Variants in SMIM14 observed in about 807,000 individuals in gnomAD.
The protein encoded by SMIM14 is small integral membrane protein 14.
In SMIM14, 5 loss-of-function variants were observed where a neutral mutation model predicts 12.6. The ratio of observed to expected loss-of-function variants is 0.40; its 90% CI spans 0.21 to 0.83. The LOEUF (loss-of-function observed/expected upper bound fraction) is 0.83. Ranked by LOEUF, SMIM14 falls within the 40% of genes least tolerant of loss-of-function variation. The pLI, the probability that SMIM14 is intolerant of heterozygous loss-of-function variation, is 0.37. For missense variants in SMIM14, 86 were observed against 119.1 expected (o/e 0.72, Z 1.29); for synonymous variants, 30 against 40.1 (o/e 0.75, Z 0.95).
At chr4:39,559,909 G>C (rs947368057) in intron 3 of SMIM14, among the ~76,000 whole-genome samples, 3 of 151,542 alleles carry the variant, frequency 2.0e-5, no homozygotes, top group Non-Finnish European at 4.4e-5. Flanking sequence ...TTGAACTCAG[G>C]AGTTTGAGAC....
intron 1 of SMIM14, among the ~76,000 whole-genome samples, chr4:39,626,382 G>A (rs984442679): frequency 2.6e-5 from 4 of 152,106 alleles, no homozygotes; most frequent in Non-Finnish European, 4.4e-5. Context: ...AGCAGTTCTC[G>A]CCCACTCAAT....
intron 1 of SMIM14, chr4:39,620,921 A>G (rs907473334): frequency 7.2e-5 from 11 of 152,306 alleles, no homozygotes; most frequent in Admixed American, 7.2e-4. Context: ...ACCTCAAAAT[A>G]TATCTATTTA....
At chr4:39,610,201 G>A (rs1198951748) in intron 1 of SMIM14, among the ~76,000 whole-genome samples, 2 of 151,964 alleles carry the variant, frequency 1.3e-5, no homozygotes, top group African/African-American at 4.8e-5. Context: ...TGCCCAGGCT[G>A]GTCTTGAACT....
chr4:39,605,322 T>A (rs1714765911), intron 1 of SMIM14, 142 bp from the exon 2 acceptor site: 1 of 514,492 alleles, frequency 1.9e-6, no homozygotes, highest in African/African-American at 2.0e-5. Flanking sequence ...TATCTATTAA[T>A]TTATTATTAA....
intron 1 of SMIM14, among the ~76,000 whole-genome samples, chr4:39,636,228 G>A (rs1716081651): frequency 6.8e-6 from 1 of 148,066 alleles, no homozygotes; most frequent in African/African-American, 2.5e-5. Flanking sequence ...AAATCTTCCA[G>A]GACCTTACTG....
intron 2 of SMIM14, among the ~76,000 whole-genome samples, chr4:39,577,744 G>GA (rs953973356): frequency 6.6e-6 from 1 of 151,942 alleles, no homozygotes; most frequent in Non-Finnish European, 1.5e-5. Context: ...AGTTTTAAAT[G>GA]AAAAATGAGT....
At chr4:39,579,427 A>G (rs1222429824) in intron 2 of SMIM14, among the ~76,000 whole-genome samples, 6 of 149,568 alleles carry the variant, frequency 4.0e-5, no homozygotes, top group Admixed American at 4.0e-4. Context: ...AAAAAAAAAG[A>G]AAAAAAAGAA....
intron 3 of SMIM14, among the ~76,000 whole-genome samples, chr4:39,565,891 T>TAA (rs1287825581): frequency 6.6e-6 from 1 of 151,860 alleles, no homozygotes; most frequent in East Asian, 1.9e-4. Flanking sequence ...CTCATGGTTT[T>TAA]AAAAAGGGGA....
chr4:39,598,973 T>G (rs1242819390), intron 2 of SMIM14, among the ~76,000 whole-genome samples: 4 of 152,142 alleles, frequency 2.6e-5, no homozygotes, highest in Non-Finnish European at 5.9e-5. Flanking sequence ...TAGATCTGCT[T>G]TCTACACTCA....
intron 2 of SMIM14, among the ~76,000 whole-genome samples, chr4:39,587,562 C>G (rs1171897254): frequency 6.7e-6 from 1 of 148,188 alleles, no homozygotes; most frequent in Non-Finnish European, 1.5e-5. Context: ...AAAACAGCCA[C>G]AGAATTAAAG....
chr4:39,608,173 T>G (rs116148645), intron 1 of SMIM14, among the ~76,000 whole-genome samples: 19 of 152,140 alleles, frequency 1.2e-4, no homozygotes, highest in Non-Finnish European at 1.8e-4. Flanking sequence ...CCTAAGAGAT[T>G]TGAAAACATA....
intron 3 of SMIM14, among the ~76,000 whole-genome samples, chr4:39,559,522 T>C (rs1270094294): frequency 6.6e-6 from 1 of 152,180 alleles, no homozygotes; most frequent in African/African-American, 2.4e-5. Context: ...TTGATCTCCT[T>C]GCCTCAGGAA....
At chr4:39,593,505 G>A (rs1014649231) in intron 2 of SMIM14, 5 of 152,196 alleles carry the variant, frequency 3.3e-5, no homozygotes, top group Admixed American at 6.5e-5. Context: ...AGACAAGGAT[G>A]CCTTCTCTCA....
intron 1 of SMIM14, among the ~76,000 whole-genome samples, chr4:39,611,276 C>T (rs1159258478): frequency 1.3e-5 from 2 of 152,188 alleles, no homozygotes; most frequent in Non-Finnish European, 2.9e-5. Flanking sequence ...GAGGCCAAGG[C>T]AGGCAGATCA....
chr4:39,595,022 A>T (rs1714294070), intron 2 of SMIM14, among the ~76,000 whole-genome samples: 2 of 148,462 alleles, frequency 1.3e-5, no homozygotes, highest in Non-Finnish European at 1.5e-5. Context: ...TAGAACTAGA[A>T]ATACCATTTG....
intron 1 of SMIM14, among the ~76,000 whole-genome samples, chr4:39,616,831 T>C (rs1241389527): frequency 6.6e-6 from 1 of 152,022 alleles, no homozygotes; most frequent in African/African-American, 2.4e-5. Context: ...AGTTCCCAGC[T>C]TTTTTTCCAA....
At chr4:39,556,158 GTC>G (rs912778854) in intron 4 of SMIM14, among the ~76,000 whole-genome samples, 1 of 141,446 alleles carries the variant, frequency 7.1e-6, no homozygotes, top group Non-Finnish European at 1.5e-5. Context: ...GCAAGACCCT[GTC>G]TGAAAAAAAA....
chr4:39,629,378 AG>A, intron 1 of SMIM14, among the ~76,000 whole-genome samples: 1 of 98,608 alleles, frequency 1.0e-5, no homozygotes, highest in African/African-American at 3.5e-5. Flanking sequence ...AAAAAAAAAA[AG>A]ATACATATAT....
At chr4:39,553,285 A>T (rs771427982) in intron 4 of SMIM14, among the ~76,000 whole-genome samples, 10 of 151,610 alleles carry the variant, frequency 6.6e-5, no homozygotes, top group Non-Finnish European at 1.3e-4. Flanking sequence ...CTGGTCTCCA[A>T]CTCCTGACCT....
Sources: allele counts gnomAD v4.1 joint callset (sites outside exome capture counted in the v4.1 genomes callset), GRCh38; gene constraint gnomAD v4.1.1; transcripts MANE v1.5; gene names NCBI Gene and HGNC (gene_info 2026-07-23, HGNC 2026-07-21).